Variants in SPATS2 observed in about 807,000 individuals in gnomAD.
SPATS2 encodes spermatogenesis associated serine rich 2.
A neutral mutation model predicts 63.7 loss-of-function variants in SPATS2; 38 were observed. The observed-to-expected ratio is 0.60, with a 90% CI of 0.46 to 0.78. The LOEUF (loss-of-function observed/expected upper bound fraction) is 0.78, where lower values mean the gene tolerates loss of function less well. SPATS2 is among the 30% of genes least tolerant of loss of function. SPATS2 has a pLI of 0.00. For missense variants in SPATS2, 588 were observed against 666.2 expected (o/e 0.88, Z 1.29); for synonymous variants, 207 against 232.9 (o/e 0.89, Z 1.01).
intron 2 of SPATS2, among the ~76,000 whole-genome samples, chr12:49,379,623 ATTTTT>A (rs529791925): frequency 2.7e-4 from 35 of 129,508 alleles, no homozygotes; most frequent in African/African-American, 9.6e-4. Flanking sequence ...ATCTAGTTCA[ATTTTT>A]TTTTTTTTTT....
intron 2 of SPATS2, among the ~76,000 whole-genome samples, chr12:49,397,653 C>A (rs970095576): frequency 2.0e-5 from 3 of 151,576 alleles, no homozygotes; most frequent in African/African-American, 7.3e-5. Flanking sequence ...CATAACAAGA[C>A]CCTATCTCTA....
intron 1 of SPATS2, among the ~76,000 whole-genome samples, chr12:49,369,414 T>G (rs1313096932): frequency 6.6e-6 from 1 of 152,188 alleles, no homozygotes; most frequent in Non-Finnish European, 1.5e-5. Flanking sequence ...ATCCTCACAA[T>G]TATTTCATAT....
intron 3 of SPATS2, among the ~76,000 whole-genome samples, chr12:49,468,642 A>G (rs1001845541): frequency 7.3e-5 from 11 of 151,296 alleles, no homozygotes; most frequent in African/African-American, 2.7e-4. Flanking sequence ...ATGCCTGGCT[A>G]ATTTTTGTAT....
rs886547486 is a variant in SPATS2, at chr12:49,410,897, T to C, written c.-244+39607T>C. Among the ~76,000 whole-genome samples, 5 of 152,170 alleles carry C rather than the reference T, an allele frequency of 3.3e-5. No individual in the cohort carries two copies. The South Asian group carries it at 8.4e-4, about 26-fold the overall frequency. On this transcript the variant is annotated intron_variant, in intron 2 of 13. Transcript: ENST00000552918. ...TCAAATATCTATTCTTTAATGTGAC[T>C]GAGTTCAGTGAGTTTTAGTGTGTTC...
In SPATS2 at chr12:49,524,637, G is replaced by T. The variant is rs757014453; in HGVS notation, c.1112-45G>T. 44 of 1,580,174 alleles carry T rather than the reference G, an allele frequency of 2.8e-5. No homozygotes were observed. The East Asian group carries it at 9.9e-4, about 35-fold the overall frequency. On this transcript the variant is annotated intron_variant, in intron 12 of 13. Transcript: ENST00000552918. ...AGAAAGTAGAAACCTTATCCATTGT[G>T]CTGTTCTATCATATGATCATATATT...
At chr12:49,438,955 G>GAGAT (rs1201191464) in intron 2 of SPATS2, among the ~76,000 whole-genome samples, 2 of 152,120 alleles carry the variant, frequency 1.3e-5, no homozygotes, top group Non-Finnish European at 2.9e-5. Context: ...CCTATTGAGG[G>GAGAT]AGATAGACAA....
upstream of SPATS2, chr12:49,367,414 G>A (rs1480003005): frequency 2.5e-6 from 1 of 397,770 alleles, no homozygotes; most frequent in Non-Finnish European, 4.4e-6. Flanking sequence ...GGCGGCGGTG[G>A]GGGCGGGGCG....
chr12:49,421,624 A>T (rs964698541), intron 2 of SPATS2, among the ~76,000 whole-genome samples: 1 of 152,096 alleles, frequency 6.6e-6, no homozygotes, highest in African/African-American at 2.4e-5. Flanking sequence ...TTTCCCCTAC[A>T]TCATAAAAAG....
chr12:49,518,972 G>A, intron 10 of SPATS2, 101 bp from the exon 11 acceptor site: 2 of 834,918 alleles, frequency 2.4e-6, no homozygotes, highest in East Asian at 2.9e-5. Flanking sequence ...AGGCAGCTAA[G>A]CCTTTGGCTG....
Position 49,524,847 on chromosome 12 carries a change from C to G in SPATS2, c.1277C>G (p.Pro426Arg), listed in dbSNP as rs777096238. The change falls in exon 13 of 14, where the codon CCT becomes CGT. Residue 426 changes from proline (P) to arginine (R), a missense_variant. By Grantham distance (103) the Pro-to-Arg change is moderately radical. Coordinates refer to ENST00000552918, the MANE Select transcript of SPATS2 (RefSeq NM_023071.4). ...AAAAACTTTGCACCGGGAGAGACTC[C>G]TGCAGCCATAGCAAACTCCAGTGGC... ...NKKNFAPGET[P>R]AAIANSSGQP... is the part of the protein sequence containing the mutation. 1 of 1,612,850 alleles carries G rather than the reference C, an allele frequency of 6.2e-7. No individual in the cohort carries two copies. The highest frequency in any genetic ancestry group is 8.5e-7 in the Non-Finnish European group (1 of 1,179,770).
chr12:49,485,159 G>T (rs779206437), intron 4 of SPATS2, among the ~76,000 whole-genome samples: 1 of 149,462 alleles, frequency 6.7e-6, no homozygotes, highest in Non-Finnish European at 1.5e-5. Flanking sequence ...TCTGCCTTCC[G>T]GGTTCGCGCC....
Position 49,375,320 on chromosome 12 carries a change from G to C in SPATS2, c.-244+4030G>C, listed in dbSNP as rs1423186389. On this transcript the variant is annotated intron_variant, in intron 2 of 13. Coordinates refer to ENST00000552918, the MANE Select transcript of SPATS2 (RefSeq NM_023071.4). ...TAAGTAAATATCTTTTGTACTTGAA[G>C]ATGCTGCCAATGATATTACTTCTTA... Among the ~76,000 whole-genome samples the C allele has an allele frequency of 3.3e-5, 5 of 152,164 alleles. No individual in the cohort carries two copies. The East Asian group carries it at 9.6e-4, about 29-fold the overall frequency.
intron 2 of SPATS2, among the ~76,000 whole-genome samples, chr12:49,453,152 C>T (rs1945654746): frequency 7.1e-6 from 1 of 140,712 alleles, no homozygotes; most frequent in East Asian, 2.0e-4. Flanking sequence ...CAGAGCGAGA[C>T]TCCGTCTCAA....
At position 49,490,820 on chromosome 12, in the gene SPATS2, AC is replaced by A. The variant is rs1946369794; in HGVS notation, c.264+90del. On this transcript the variant is annotated intron_variant, in intron 6 of 13. Coordinates refer to ENST00000552918, the MANE Select transcript of SPATS2 (RefSeq NM_023071.4). ...CAAAAATATTTGAAAGAAAAGGTTCACATACATATCTTCTGTTTACCTGGTT... is the reference window on the plus strand; with the variant it reads ...CAAAAATATTTGAAAGAAAAGGTTCAATACATATCTTCTGTTTACCTGGTT... 6 of 1,218,898 alleles carry A rather than the reference AC, an allele frequency of 4.9e-6. No homozygotes were observed. The South Asian group carries it at 8.0e-5, about 16-fold the overall frequency. The allele number at this position is 1,218,898 out of a possible 1,614,324, so 75.5% of individuals were successfully genotyped here.
At chr12:49,413,411 G>T (rs1401899260) in intron 2 of SPATS2, among the ~76,000 whole-genome samples, 1 of 151,778 alleles carries the variant, frequency 6.6e-6, no homozygotes, top group South Asian at 2.1e-4. Context: ...TCCCCGTAGA[G>T]ACAGGGTCTT....
At chr12:49,462,423 G>A in intron 3 of SPATS2, 1 of 702,370 alleles carries the variant, frequency 1.4e-6, no homozygotes. Context: ...AAGCTCCAGA[G>A]GGCATGTTAC....
At chr12:49,523,486 G>A (rs987960606) in intron 12 of SPATS2, among the ~76,000 whole-genome samples, 6 of 151,800 alleles carry the variant, frequency 4.0e-5, no homozygotes, top group Admixed American at 3.9e-4. Context: ...GAGCAAGACT[G>A]TGTCTCTAAA....
At chr12:49,464,483 TG>T (rs1447505934) in intron 3 of SPATS2, among the ~76,000 whole-genome samples, 2 of 147,928 alleles carry the variant, frequency 1.4e-5, no homozygotes, top group Non-Finnish European at 3.0e-5. Context: ...AAAAATTAGC[TG>T]GGTGTGGTGG....
At chr12:49,521,961 T>C (rs1265957131) in intron 11 of SPATS2, among the ~76,000 whole-genome samples, 2 of 152,078 alleles carry the variant, frequency 1.3e-5, no homozygotes, top group African/African-American at 2.4e-5. Flanking sequence ...AGGAGTGCTC[T>C]GAGGGGTTCA....
Sources: gnomAD v4.1 joint callset for allele counts (sites outside exome capture counted in the v4.1 genomes callset) on GRCh38, gnomAD v4.1.1 for gene constraint, MANE v1.5 for transcripts, NCBI Gene and HGNC (gene_info 2026-07-23, HGNC 2026-07-21) for gene names.